The following VCAN variants were observed in gnomAD, a reference collection of about 807,000 sequenced individuals.
VCAN encodes the protein versican.
Under a neutral mutation model 245.5 loss-of-function variants are expected in VCAN, and 44 were observed. The ratio of observed to expected loss-of-function variants is 0.18; its 90% CI spans 0.14 to 0.23. The LOEUF is 0.23. Among genes scored for constraint, VCAN ranks in the 10% least tolerant of loss-of-function variants. The pLI, the probability that VCAN is intolerant of heterozygous loss-of-function variation, is 1.00. For missense variants in VCAN, 3,793 were observed against 4,057.9 expected, an observed-to-expected ratio of 0.93 and a Z score of 1.77; for synonymous variants, 1,413 against 1,437.0, an observed-to-expected ratio of 0.98 and a Z score of 0.38.
chr5:83,542,002 A>T lies in VCAN; in HGVS notation c.8999A>T (p.Glu3000Val). The change falls in exon 8 of 15, where the codon GAG becomes GTG. Residue 3000 changes from glutamate to valine, a missense_variant. By Grantham distance (121) the Glu-to-Val change is moderately radical. Transcript: ENST00000265077. ...CCTTGGCTAAGTCCACAGACTTCTGAGAGGCCCACGCTTTCTTCTTCTCCA... is the reference window on the plus strand; with the variant it reads ...CCTTGGCTAAGTCCACAGACTTCTGTGAGGCCCACGCTTTCTTCTTCTCCA... ...VVPWLSPQTS[E>V]RPTLSSSPEI... The T allele has an allele frequency of 6.2e-7, 1 of 1,612,206 alleles. No homozygotes were observed. Among genetic ancestry groups the T allele is most frequent in the Non-Finnish European group, 8.5e-7 (1 of 1,178,732 alleles).
At chr5:83,478,845 T>C (rs1744491992) in intron 1 of VCAN, among the ~76,000 whole-genome samples, 2 of 152,114 alleles carry the variant, frequency 1.3e-5, no homozygotes, top group Admixed American at 1.3e-4. Flanking sequence ...TTTACTATGG[T>C]AGGTAGAGAA....
In VCAN at chr5:83,539,001, C is replaced by T. The variant is rs758759866; in HGVS notation, c.5998C>T (p.Pro2000Ser). ...CACCATGGTCAGCACTTCAGCCTTC[C>T]CCTGGGAAGAGTTTACATCCTCAGC... The part of the protein sequence containing the change: ...SSTMVSTSAF[P>S]WEEFTSSAEG... The change falls in exon 8 of 15, where the codon CCC becomes TCC. Residue 2000 changes from proline to serine, a missense_variant. Pro to Ser is a moderately conservative substitution (Grantham distance 74, BLOSUM62 -1). This residue lies in a region of VCAN where 3,182 missense variants were observed against 3,250.3 expected (regional missense o/e 0.98). Transcript: ENST00000265077. 1.2e-5 allele frequency: 19 copies of T among 1,613,870 alleles called. No individual in the cohort carries two copies. The highest frequency in any genetic ancestry group is 1.6e-4 in the Middle Eastern group (1 of 6,084).
intron 5 of VCAN, among the ~76,000 whole-genome samples, chr5:83,503,659 T>C (rs1745398762): frequency 6.6e-6 from 1 of 152,192 alleles, no homozygotes; most frequent in Admixed American, 6.5e-5. Context: ...AGAAACATAA[T>C]CATGTATCAC....
intron 12 of VCAN, among the ~76,000 whole-genome samples, chr5:83,570,750 C>T (rs1332204491): frequency 6.6e-6 from 1 of 151,112 alleles, no homozygotes; most frequent in Non-Finnish European, 1.5e-5. Context: ...ATGGATCAGA[C>T]ATATATTTTA....
At chr5:83,569,520 A>G (rs1280758167) in intron 12 of VCAN, among the ~76,000 whole-genome samples, 1 of 152,222 alleles carries the variant, frequency 6.6e-6, no homozygotes, top group Non-Finnish European at 1.5e-5. Flanking sequence ...TTTACATTCT[A>G]CTAGGAGAAA....
intron 7 of VCAN, among the ~76,000 whole-genome samples, chr5:83,529,107 A>G (rs898174971): frequency 5.9e-5 from 9 of 152,160 alleles, no homozygotes; most frequent in Admixed American, 5.9e-4. Flanking sequence ...ATTACAATAT[A>G]CTAACTACAT....
chr5:83,543,172 A>G (rs1319349659), intron 8 of VCAN, among the ~76,000 whole-genome samples: 3 of 152,222 alleles, frequency 2.0e-5, no homozygotes, highest in African/African-American at 7.2e-5. Flanking sequence ...TATATGAACC[A>G]GGAATCTTGG....
rs1225222211 is a variant in VCAN, at chr5:83,538,246, A to T, written c.5243A>T (p.Asp1748Val). 6.2e-7 allele frequency: 1 copy of T among 1,613,988 alleles called. No individual in the cohort carries two copies. Among genetic ancestry groups the T allele is most frequent in the South Asian group, 1.1e-5 (1 of 91,084 alleles). ...FEVYSSTQRSDQLILPFELES... is the reference protein window; with the variant it reads ...FEVYSSTQRSVQLILPFELES... The stretch of plus-strand genomic sequence containing the variant: ...GTATATTCATCTACACAGAGATCGG[A>T]TCAATTAATTTTACCCTTTGAATTA... Residue 1748 changes from aspartate to valine, a missense_variant, in exon 8 of 15, where the codon GAT becomes GTT. Transcript: ENST00000265077.
chr5:83,552,750 T>TTA (rs1747517893), intron 10 of VCAN, among the ~76,000 whole-genome samples: 1 of 152,188 alleles, frequency 6.6e-6, no homozygotes, highest in Non-Finnish European at 1.5e-5. Context: ...TCTTGATGCA[T>TTA]TTTCATTGGG....
rs1472442089 is a variant in VCAN at position 83,537,050 on chromosome 5, A to G, written c.4047A>G (p.Ser1349=). ...GTGTAATTGGTCATCCAATAGATTCAGAATCTAAAGAAGATGAACCTTGTA... is the reference window on the plus strand; with the variant it reads ...GTGTAATTGGTCATCCAATAGATTCGGAATCTAAAGAAGATGAACCTTGTA... The part of the protein sequence containing the change: ...DLSVIGHPID[S]ESKEDEPCSE... The change falls in exon 8 of 15, where the codon TCA becomes TCG. Residue 1349 remains serine (S), a synonymous_variant. Transcript: ENST00000265077. 1 of 1,610,610 alleles carries G rather than the reference A, an allele frequency of 6.2e-7. No individual in the cohort carries two copies. The highest frequency in any genetic ancestry group is 1.3e-5 in the African/African-American group (1 of 74,694).
intron 12 of VCAN, among the ~76,000 whole-genome samples, chr5:83,565,503 A>G (rs910881602): frequency 6.6e-6 from 1 of 151,986 alleles, no homozygotes; most frequent in Non-Finnish European, 1.5e-5. Context: ...GTGTCTATGA[A>G]AATTCTGTCT....
intron 5 of VCAN, among the ~76,000 whole-genome samples, chr5:83,495,390 T>G (rs2112361674): frequency 6.6e-6 from 1 of 152,338 alleles, no homozygotes; most frequent in South Asian, 2.1e-4. Flanking sequence ...ATTCTTATTT[T>G]CACTATCACT....
In VCAN at chr5:83,520,552, T is replaced by G. The variant is rs767932167; in HGVS notation, c.2246T>G (p.Phe749Cys). Residue 749 changes from phenylalanine to cysteine, a missense_variant, in exon 7 of 15, where the codon TTC becomes TGC. This residue lies in a region of VCAN where 3,182 missense variants were observed against 3,250.3 expected (regional missense o/e 0.98). Transcript: ENST00000265077. Reference protein sequence around the residue: ...SSVEMTKSFDFPTLITKLSAE... With the variant: ...SSVEMTKSFDCPTLITKLSAE... ...GTGGAAATGACCAAGTCTTTTGATT[T>G]CCCAACATTGATAACAAAGTTAAGT... The G allele has an allele frequency of 6.2e-7, 1 of 1,614,018 alleles. No individual in the cohort carries two copies. The highest frequency in any genetic ancestry group is 8.5e-7 in the Non-Finnish European group (1 of 1,179,978).
At position 83,537,747 on chromosome 5, in the gene VCAN, T is replaced by C. The variant is rs147060240; in HGVS notation, c.4744T>C (p.Tyr1582His). 6.8e-6 allele frequency: 11 copies of C among 1,614,008 alleles called. No homozygotes were observed. The highest frequency in any genetic ancestry group is 9.3e-6 in the Non-Finnish European group (11 of 1,179,974). The part of the protein sequence containing the change: ...EEVEKSTSVT[Y>H]TPTIVPSSAS... ...GGTAGAAAAAAGTACTTCTGTCACA[T>C]ACACTCCCACTATAGTTCCAAGTTC... Residue 1582 changes from tyrosine to histidine, a missense_variant, in exon 8 of 15, where the codon TAC becomes CAC. Tyr to His is a moderately conservative substitution (Grantham distance 83). This residue lies in a region of VCAN where 3,182 missense variants were observed against 3,250.3 expected (regional missense o/e 0.98). Coordinates refer to ENST00000265077, the MANE Select transcript of VCAN (RefSeq NM_004385.5).
rs1026113976 is a variant in VCAN, at chr5:83,542,260, A to G, written c.9257A>G (p.Tyr3086Cys). Residue 3086 changes from tyrosine to cysteine, a missense_variant, in exon 8 of 15, where the codon TAT (tyrosine) becomes TGT (cysteine). Tyr to Cys is a radical substitution (Grantham distance 194). Transcript: ENST00000265077. ...GAGTCAGTGGAAGGCACGGCAATCT[A>G]TTTACCAGGTAAGATCACAACATTG... ...NEESVEGTAIYLPGPDRCKMN... is the reference protein window; with the variant it reads ...NEESVEGTAICLPGPDRCKMN... 1.2e-6 allele frequency: 2 copies of G among 1,612,658 alleles called. No homozygotes were observed. Among genetic ancestry groups the G allele is most frequent in the Non-Finnish European group, 1.7e-6 (2 of 1,179,866 alleles).
chr5:83,550,992 G>A (rs177931), intron 10 of VCAN, among the ~76,000 whole-genome samples: 69,118 of 145,330 alleles, frequency 0.48, 16,530 homozygotes, highest in Admixed American at 0.51. Context: ...TATATTTATA[G>A]TCATTGGGAA....
At chr5:83,486,769 C>T (rs866128925) in intron 2 of VCAN, among the ~76,000 whole-genome samples, 3 of 152,148 alleles carry the variant, frequency 2.0e-5, no homozygotes, top group Non-Finnish European at 2.9e-5. Context: ...CTTTGTAAAT[C>T]CATGATCACT....
At chr5:83,528,557 A>G in intron 7 of VCAN, among the ~76,000 whole-genome samples, 1 of 152,148 alleles carries the variant, frequency 6.6e-6, no homozygotes. Context: ...TTGAGGAAGC[A>G]GTGTTGTCAC....
chr5:83,546,482 G>A (rs1348476229), intron 9 of VCAN, among the ~76,000 whole-genome samples: 2 of 151,830 alleles, frequency 1.3e-5, no homozygotes, highest in African/African-American at 2.4e-5. Flanking sequence ...CGAGGCCAGC[G>A]CGGTGGTTCA....
Sources: allele counts gnomAD v4.1 joint callset (sites outside exome capture counted in the v4.1 genomes callset), GRCh38; gene constraint gnomAD v4.1.1; regional missense constraint gnomAD v4.1.1; transcripts MANE v1.5; gene names NCBI Gene and HGNC (gene_info 2026-07-23, HGNC 2026-07-21).